Variants in CSMD2 observed in about 807,000 individuals in gnomAD.
CSMD2 encodes CUB and Sushi multiple domains 2, also known as CUB and sushi domain-containing protein 2.
Under a neutral mutation model 398.5 loss-of-function variants are expected in CSMD2, and 130 were observed. The ratio of observed to expected loss-of-function variants is 0.33; its 90% confidence interval spans 0.28 to 0.38. The LOEUF is 0.38. Ranked by LOEUF, CSMD2 falls within the 10% of genes least tolerant of loss-of-function variation. The pLI is 1.00. For missense variants in CSMD2, 3,829 were observed against 4,764.9 expected (o/e 0.80, Z 5.78); for synonymous variants, 1,828 against 1,908.5 (o/e 0.96, Z 1.10).
intron 9 of CSMD2, 75 bp from the exon 10 acceptor site, chr1:33,810,939 C>A (rs1484450386): frequency 6.6e-7 from 1 of 1,517,994 alleles, no homozygotes; most frequent in Non-Finnish European, 9.0e-7. Context: ...CACTCCCCAC[C>A]CAGAAGACAC....
At chr1:33,807,604 C>T (rs1656371526) in intron 10 of CSMD2, among the ~76,000 whole-genome samples, 1 of 151,742 alleles carries the variant, frequency 6.6e-6, no homozygotes, top group African/African-American at 2.4e-5. Context: ...ACAATAATAA[C>T]TTGAGAAAAA....
At chr1:34,092,413 G>A (rs1658679571) in intron 1 of CSMD2, among the ~76,000 whole-genome samples, 1 of 152,210 alleles carries the variant, frequency 6.6e-6, no homozygotes, top group African/African-American at 2.4e-5. Flanking sequence ...AGCCAAGATG[G>A]CCGAATAGGA....
intron 5 of CSMD2, among the ~76,000 whole-genome samples, chr1:33,857,569 A>G (rs1639188556): frequency 6.6e-6 from 1 of 152,100 alleles, no homozygotes; most frequent in Non-Finnish European, 1.5e-5. Flanking sequence ...CGGCTGCTTG[A>G]GGCTGGAGCC....
intron 2 of CSMD2, among the ~76,000 whole-genome samples, chr1:34,054,385 G>T (rs964887122): frequency 2.0e-5 from 3 of 152,112 alleles, no homozygotes; most frequent in Non-Finnish European, 4.4e-5. Context: ...CTAAAGACAG[G>T]CATGAGTGAA....
intron 8 of CSMD2, among the ~76,000 whole-genome samples, chr1:33,820,153 C>A (rs760677480): frequency 2.3e-4 from 35 of 152,132 alleles, no homozygotes; most frequent in Non-Finnish European, 4.4e-4. Context: ...GGAAAATGGT[C>A]TCCTAGATTA....
chr1:33,666,630 G>C (rs1416833991), intron 25 of CSMD2, among the ~76,000 whole-genome samples: 5 of 151,878 alleles, frequency 3.3e-5, no homozygotes, highest in Non-Finnish European at 7.4e-5. Flanking sequence ...GGATTTCCTA[G>C]GTAGAATCTT....
At chr1:33,788,767 A>G in intron 11 of CSMD2, 55 bp from the exon 12 acceptor site, 1 of 1,125,880 alleles carries the variant, frequency 8.9e-7, no homozygotes, top group East Asian at 2.4e-5. Context: ...CCCGAATAGA[A>G]TGATTGCCTG....
chr1:33,553,356 G>T (rs1205232276), intron 55 of CSMD2, among the ~76,000 whole-genome samples: 2 of 152,168 alleles, frequency 1.3e-5, no homozygotes, highest in Admixed American at 6.5e-5. Flanking sequence ...TGTCACTATT[G>T]TAATTGTTTT....
At chr1:33,524,853 C>T (rs377322510) in intron 66 of CSMD2, 29 bp downstream of exon 66, 171 of 1,609,776 alleles carry the variant, frequency 1.1e-4, no homozygotes, top group Non-Finnish European at 9.9e-5. Context: ...TCCATCCTCC[C>T]GGCTTTCATA....
At chr1:34,061,000 A>T (rs977623749) in intron 2 of CSMD2, among the ~76,000 whole-genome samples, 27 of 152,150 alleles carry the variant, frequency 1.8e-4, no homozygotes, top group African/African-American at 5.8e-4. Context: ...ATAAGAGACC[A>T]TAATCCGTAG....
intron 2 of CSMD2, among the ~76,000 whole-genome samples, chr1:34,037,558 G>A (rs1651303050): frequency 6.6e-6 from 1 of 152,166 alleles, no homozygotes; most frequent in African/African-American, 2.4e-5. Flanking sequence ...CCTAGCAAGC[G>A]CTGGTTGTCT....
intron 10 of CSMD2, among the ~76,000 whole-genome samples, chr1:33,805,148 T>C (rs534834788): frequency 6.6e-6 from 1 of 152,210 alleles, no homozygotes; most frequent in African/African-American, 2.4e-5. Flanking sequence ...TCTAATTGTT[T>C]CTTAGAAAAT....
At chr1:34,087,612 TATAATAATAATA>T (rs71717621) in intron 2 of CSMD2, among the ~76,000 whole-genome samples, 1,453 of 138,342 alleles carry the variant, frequency 0.011, 17 homozygotes, top group East Asian at 0.053. Context: ...GAACTTAAAG[TATAATAATAATA>T]ATAATAATAA....
intron 7 of CSMD2, 126 bp downstream of exon 7, chr1:33,825,571 C>A: frequency 1.2e-6 from 1 of 859,846 alleles, no homozygotes; most frequent in South Asian, 1.5e-5. Flanking sequence ...GCGCAGAGCC[C>A]AGGATGGAGG....
chr1:33,927,379 G>T (rs1220291059), intron 4 of CSMD2, among the ~76,000 whole-genome samples: 6 of 152,196 alleles, frequency 3.9e-5, no homozygotes, highest in African/African-American at 1.4e-4. Flanking sequence ...CTGAGGGGAA[G>T]AATGTAGACA....
At chr1:33,804,686 GCTGAAGGAGATGT>G in intron 10 of CSMD2, 1 of 715,034 alleles carries the variant, frequency 1.4e-6, no homozygotes. Context: ...TATGCTTTTT[GCTGAAGGAGATGT>G]CTGAAGGTGA....
intron 64 of CSMD2, among the ~76,000 whole-genome samples, chr1:33,531,801 T>C (rs922650981): frequency 6.6e-6 from 1 of 152,188 alleles, no homozygotes; most frequent in Admixed American, 6.5e-5. Flanking sequence ...TAGCAGTTAC[T>C]ATGGGCTAAG....
In CSMD2 at chr1:33,759,486, C is replaced by T. The variant is rs11581587; in HGVS notation, c.1846+13083G>A. Among the ~76,000 whole-genome samples, 736 of 151,718 alleles carry T rather than the reference C, an allele frequency of 4.9e-3. 13 individuals carry two copies. The highest frequency in any genetic ancestry group is 0.041 in the Admixed American group (629 of 15,216). ...GACTACAGGCGCCCGCCACCATGCCCGGCTAATTTTTTGTATTTTTAGTAG... is the reference window on the plus strand; with the variant it reads ...GACTACAGGCGCCCGCCACCATGCCTGGCTAATTTTTTGTATTTTTAGTAG... On this transcript the variant is annotated intron_variant, in intron 13 of 70. Coordinates refer to ENST00000373381, the MANE Select transcript of CSMD2 (RefSeq NM_001281956.2).
At chr1:34,011,125 C>G in intron 3 of CSMD2, among the ~76,000 whole-genome samples, 1 of 152,230 alleles carries the variant, frequency 6.6e-6, no homozygotes, top group East Asian at 1.9e-4. Flanking sequence ...ACTGGTCTAG[C>G]CCCAAGCTGG....
Sources: gnomAD v4.1 joint callset for allele counts (sites outside exome capture counted in the v4.1 genomes callset) on GRCh38, gnomAD v4.1.1 for gene constraint, MANE v1.5 for transcripts, NCBI Gene and HGNC (gene_info 2026-07-23, HGNC 2026-07-21) for gene names.